The following CCDC171 variants were observed in gnomAD, a reference collection of about 807,000 sequenced individuals.
CCDC171 encodes coiled-coil domain containing 171.
Under a neutral mutation model 168.2 loss-of-function variants are expected in CCDC171, and 177 were observed. The ratio of observed to expected loss-of-function variants is 1.05; its 90% CI spans 0.93 to 1.19. The LOEUF (loss-of-function observed/expected upper bound fraction) is 1.19. Ranked by LOEUF, CCDC171 falls within the 50% of genes most tolerant of loss-of-function variation. The pLI is 0.00. For synonymous variants in CCDC171, 687 were observed against 540.8 expected (o/e 1.27, Z -3.75); for missense variants, 1,991 against 1,539.0 (o/e 1.29, Z -4.91).
chr9:15,568,433 G>T (rs1323332526), intron 2 of CCDC171, among the ~76,000 whole-genome samples: 2 of 121,520 alleles, frequency 1.6e-5, no homozygotes, highest in Admixed American at 9.9e-5. Context: ...ACCACGCCTG[G>T]AGAATTTTTT....
At chr9:15,823,994 G>A (rs1354263601) in intron 21 of CCDC171, among the ~76,000 whole-genome samples, 3 of 151,968 alleles carry the variant, frequency 2.0e-5, no homozygotes, top group Non-Finnish European at 4.4e-5. Flanking sequence ...AAACTTAATA[G>A]CATTGAATCT....
At chr9:15,825,549 G>A (rs1047688948) in intron 21 of CCDC171, among the ~76,000 whole-genome samples, 2 of 152,142 alleles carry the variant, frequency 1.3e-5, no homozygotes, top group Admixed American at 1.3e-4. Context: ...AAGTTTTGGA[G>A]TCAGAACTTG....
chr9:15,880,440 C>CACTTCCAA (rs1330968647), intron 24 of CCDC171, among the ~76,000 whole-genome samples: 1 of 149,882 alleles, frequency 6.7e-6, no homozygotes, highest in Non-Finnish European at 1.5e-5. Context: ...ACATATCTGT[C>CACTTCCAA]ACTTCCAATT....
chr9:15,797,677 T>A lies in CCDC171; in HGVS notation c.3267+12983T>A, dbSNP rs557207688. On this transcript the variant is annotated intron_variant, in intron 21 of 25. Coordinates refer to ENST00000380701, the MANE Select transcript of CCDC171 (RefSeq NM_173550.4). The stretch of plus-strand genomic sequence containing the variant: ...TAACAGTATCTTTCAAATAAAAATT[T>A]TACATTTTGATGAAGTATCCATATT... 1.5e-3 allele frequency among the ~76,000 whole-genome samples: 225 copies of A among 152,282 alleles called. 2 individuals are homozygous for A. Among genetic ancestry groups the A allele is most frequent in the African/African-American group, 5.0e-3 (209 of 41,578 alleles).
At chr9:16,010,758 A>AAAAG (rs1242999421) in intron 3 of CCDC171, among the ~76,000 whole-genome samples, 1 of 149,240 alleles carries the variant, frequency 6.7e-6, no homozygotes, top group African/African-American at 2.5e-5. Context: ...TTAAAAAAAA[A>AAAAG]AACCCAAACC....
intron 11 of CCDC171, among the ~76,000 whole-genome samples, chr9:15,717,637 C>T (rs1280329920): frequency 6.6e-6 from 1 of 152,166 alleles, no homozygotes; most frequent in African/African-American, 2.4e-5. Context: ...AACTTGGATA[C>T]CAGCTTAGCC....
chr9:15,804,838 C>T (rs1194860079), intron 21 of CCDC171, among the ~76,000 whole-genome samples: 1 of 152,114 alleles, frequency 6.6e-6, no homozygotes, highest in Non-Finnish European at 1.5e-5. Flanking sequence ...GGTACTGGCT[C>T]TTCTTTGTAC....
chr9:15,892,316 C>T (rs951745615), intron 24 of CCDC171, among the ~76,000 whole-genome samples: 2 of 152,018 alleles, frequency 1.3e-5, no homozygotes, highest in Admixed American at 6.6e-5. Context: ...TCTGCCAATT[C>T]GGTATGATAT....
rs1029011987 is a variant in CCDC171, at chr9:16,030,010, G to A, written n.999-5447G>A. On this transcript the variant is annotated intron_variant and non_coding_transcript_variant, in intron 6 of 9. Coordinates refer to the CCDC171 transcript ENST00000486641. ...GGTAAGGGGCTGTTCCTCATTGATA[G>A]CACCTTTTGTTTGTGCTCACATGGC... Among the ~76,000 whole-genome samples, 6 of 152,300 alleles carry A rather than the reference G, an allele frequency of 3.9e-5. No homozygotes were observed. The East Asian group carries it at 1.2e-3, about 29-fold the overall frequency.
At chr9:15,864,732 T>C (rs547299058) in intron 23 of CCDC171, among the ~76,000 whole-genome samples, 1 of 152,198 alleles carries the variant, frequency 6.6e-6, no homozygotes, top group East Asian at 1.9e-4. Context: ...TTAGATATGA[T>C]AAAAATAAGT....
rs568470307 is a variant in CCDC171 at position 16,000,878 on chromosome 9, A to T, written n.369-19711A>T. Among the ~76,000 whole-genome samples, 3 of 152,266 alleles carry T rather than the reference A, an allele frequency of 2.0e-5. No individual in the cohort carries two copies. The East Asian group carries it at 5.8e-4, about 29-fold the overall frequency. On this transcript the variant is annotated intron_variant and non_coding_transcript_variant, in intron 3 of 9. Coordinates refer to the CCDC171 transcript ENST00000486641. ...ATAATGAGACGAGAATGCTGTCTTC[A>T]ACTGGATCTCGCAGAGTTACAGCCT...
chr9:15,670,064 G>T (rs974480755), intron 9 of CCDC171, among the ~76,000 whole-genome samples: 10 of 150,952 alleles, frequency 6.6e-5, no homozygotes, highest in Middle Eastern at 3.4e-3. Flanking sequence ...CACCTTTTAA[G>T]TCCTGGCCCT....
At chr9:16,023,194 A>G (rs1376999018) in intron 6 of CCDC171, among the ~76,000 whole-genome samples, 1 of 151,984 alleles carries the variant, frequency 6.6e-6, no homozygotes, top group East Asian at 1.9e-4. Context: ...CTTCCCAGCA[A>G]TTTGAACTGC....
At chr9:15,921,233 T>G (rs1012835803) in intron 25 of CCDC171, among the ~76,000 whole-genome samples, 2 of 151,658 alleles carry the variant, frequency 1.3e-5, no homozygotes, top group African/African-American at 4.8e-5. Context: ...GAGTTAGCAT[T>G]AAAACAAATA....
At chr9:15,887,334 G>C (rs949093372) in intron 24 of CCDC171, among the ~76,000 whole-genome samples, 3 of 152,112 alleles carry the variant, frequency 2.0e-5, no homozygotes, top group Non-Finnish European at 4.4e-5. Flanking sequence ...AAATGGTTTA[G>C]AAAGTACTTT....
At chr9:16,004,539 CTTTTG>C (rs1200780262) in intron 3 of CCDC171, among the ~76,000 whole-genome samples, 3 of 152,116 alleles carry the variant, frequency 2.0e-5, no homozygotes, top group East Asian at 3.9e-4. Context: ...GCTTGGTTCT[CTTTTG>C]TTTTAACTGT....
At chr9:15,865,636 T>G (rs2061746244) in intron 23 of CCDC171, among the ~76,000 whole-genome samples, 1 of 152,040 alleles carries the variant, frequency 6.6e-6, no homozygotes, top group South Asian at 2.1e-4. Context: ...CTTAATAACA[T>G]TTTCTTTTTT....
chr9:16,062,331 A>G (rs938336793), downstream of CCDC171, among the ~76,000 whole-genome samples: 3 of 152,204 alleles, frequency 2.0e-5, no homozygotes, highest in African/African-American at 4.8e-5. Flanking sequence ...GTTCTCACTC[A>G]TAAGTGGGAG....
chr9:15,906,717 A>C (rs1181451072), intron 24 of CCDC171, among the ~76,000 whole-genome samples: 1 of 152,200 alleles, frequency 6.6e-6, no homozygotes, highest in East Asian at 1.9e-4. Context: ...CAATGAGGAA[A>C]AGAGGAAGTC....
Sources: allele counts gnomAD v4.1 joint callset (sites outside exome capture counted in the v4.1 genomes callset), GRCh38; gene constraint gnomAD v4.1.1; transcripts MANE v1.5; gene names NCBI Gene and HGNC (gene_info 2026-07-23, HGNC 2026-07-21).